The following HEATR5B variants were observed in gnomAD, a reference collection of about 807,000 sequenced individuals.
The protein encoded by HEATR5B is HEAT repeat containing 5B, also known as HEAT repeat-containing protein 5B.
A neutral mutation model predicts 224.1 loss-of-function variants in HEATR5B; 156 were observed. That is an observed-to-expected ratio of 0.70 (90% CI 0.61 to 0.80). The LOEUF (loss-of-function observed/expected upper bound fraction) is 0.80, where lower values mean the gene tolerates loss of function less well. Among genes scored for constraint, HEATR5B ranks in the 30% least tolerant of loss-of-function variants. The pLI is 0.00. For synonymous variants in HEATR5B, 1,027 were observed against 893.0 expected (o/e 1.15, Z -2.68); for missense variants, 2,323 against 2,535.5 (o/e 0.92, Z 1.80).
At chr2:37,038,799 C>A (rs1473458454) in intron 20 of HEATR5B, among the ~76,000 whole-genome samples, 1 of 147,728 alleles carries the variant, frequency 6.8e-6, no homozygotes, top group Non-Finnish European at 1.5e-5. Flanking sequence ...TACAAGTTAG[C>A]TGAGGCAGGA....
At chr2:37,008,543 A>T in intron 28 of HEATR5B, 68 bp downstream of exon 28, 1 of 1,061,228 alleles carries the variant, frequency 9.4e-7, no homozygotes, top group South Asian at 1.3e-5. Flanking sequence ...GCTAGTCTAT[A>T]CCGTCTCTAT....
intron 34 of HEATR5B, among the ~76,000 whole-genome samples, chr2:36,989,131 G>C (rs1666149179): frequency 6.6e-6 from 1 of 152,124 alleles, no homozygotes; most frequent in Non-Finnish European, 1.5e-5. Flanking sequence ...CTGTCGCCAG[G>C]CTAGAGTGCA....
In HEATR5B at chr2:37,007,314, A is replaced by T; in HGVS notation, c.4523-10T>A. On this transcript the variant is annotated splice_polypyrimidine_tract_variant and intron_variant, in intron 28 of 35. Coordinates refer to ENST00000233099, the MANE Select transcript of HEATR5B (RefSeq NM_019024.3). ...GTATAAAATGCTCCACCTGTAAAGC[A>T]ATCAAATCAATTAAAAACATTACTT... The T allele has an allele frequency of 1.3e-6, 2 of 1,584,956 alleles. No homozygotes were observed. Among genetic ancestry groups the T allele is most frequent in the Non-Finnish European group, 1.7e-6 (2 of 1,170,920 alleles).
chr2:37,026,695 C>G (rs965486671), intron 24 of HEATR5B, among the ~76,000 whole-genome samples: 5 of 152,148 alleles, frequency 3.3e-5, no homozygotes, highest in African/African-American at 1.2e-4. Context: ...CAGTAAATAT[C>G]TGCTGAATAA....
chr2:37,055,476 C>T (rs1043837240), intron 16 of HEATR5B, among the ~76,000 whole-genome samples: 3 of 152,128 alleles, frequency 2.0e-5, no homozygotes, highest in Non-Finnish European at 4.4e-5. Flanking sequence ...GAAATAGATG[C>T]TTTATAAGAT....
intron 3 of HEATR5B, among the ~76,000 whole-genome samples, 183 bp from the exon 4 acceptor site, chr2:37,077,202 T>C (rs1344861592): frequency 1.3e-5 from 2 of 152,246 alleles, no homozygotes; most frequent in African/African-American, 4.8e-5. Flanking sequence ...TTACACTGTA[T>C]TCTTGTTAAA....
intron 18 of HEATR5B, among the ~76,000 whole-genome samples, chr2:37,046,007 A>G (rs1670168397): frequency 2.0e-5 from 3 of 150,372 alleles, no homozygotes; most frequent in Admixed American, 2.0e-4. Flanking sequence ...CATTCTTTTA[A>G]TGTTTATCTG....
intron 34 of HEATR5B, 144 bp from the exon 35 acceptor site, chr2:36,989,003 T>TA: frequency 1.6e-6 from 1 of 630,160 alleles, no homozygotes; most frequent in Non-Finnish European, 2.7e-6. Flanking sequence ...AGAAATGGAG[T>TA]AGAATAGAAT....
intron 33 of HEATR5B, among the ~76,000 whole-genome samples, chr2:36,994,009 A>G (rs1452256966): frequency 6.6e-6 from 1 of 152,160 alleles, no homozygotes; most frequent in Non-Finnish European, 1.5e-5. Flanking sequence ...TATTATTAGG[A>G]CAAGTAGTGC....
rs771056777 is a variant in HEATR5B, at chr2:37,057,513, G to C, written c.2060-33C>G. ...ACAGAACTTCAGATCAGATTAAAAA[G>C]AATAATTTTTGTGAAAATTATAATC... On this transcript the variant is annotated intron_variant, in intron 14 of 35. Transcript: ENST00000233099. The C allele has an allele frequency of 2.7e-6, 4 of 1,494,708 alleles. No homozygotes were observed. The African/African-American group carries it at 5.7e-5, about 21-fold the overall frequency. The allele number at this position is 1,494,708 out of a possible 1,614,324, so 92.6% of individuals were successfully genotyped here. A position where few individuals can be genotyped will look rare whatever the true frequency, so the allele number is the denominator to read the frequency against.
At chr2:37,063,851 A>T (rs1423158913) in intron 10 of HEATR5B, among the ~76,000 whole-genome samples, 1 of 152,188 alleles carries the variant, frequency 6.6e-6, no homozygotes, top group Non-Finnish European at 1.5e-5. Flanking sequence ...TTTCTCTGTC[A>T]CCCAGGCTGG....
intron 3 of HEATR5B, among the ~76,000 whole-genome samples, chr2:37,077,878 T>C (rs376083370): frequency 3.9e-5 from 6 of 152,352 alleles, no homozygotes; most frequent in South Asian, 2.1e-4. Flanking sequence ...AGTAAACCTG[T>C]AAAATTTAAT....
intron 21 of HEATR5B, among the ~76,000 whole-genome samples, 200 bp from the exon 22 acceptor site, chr2:37,032,973 T>C (rs2148475180): frequency 6.6e-6 from 1 of 152,036 alleles, no homozygotes; most frequent in Non-Finnish European, 1.5e-5. Flanking sequence ...CTCCGCCTTC[T>C]GGTTTCAAGC....
chr2:37,068,637 A>G (rs766510646), intron 8 of HEATR5B, 44 bp downstream of exon 8: 2 of 1,588,268 alleles, frequency 1.3e-6, no homozygotes, highest in African/African-American at 2.7e-5. Context: ...ATAAAGAACT[A>G]AATGACTAAG....
chr2:37,054,361 A>G (rs1313488294), intron 16 of HEATR5B, among the ~76,000 whole-genome samples: 3 of 151,300 alleles, frequency 2.0e-5, no homozygotes, highest in African/African-American at 7.3e-5. Flanking sequence ...TTGTATTTTT[A>G]GTAGAGACTG....
chr2:37,065,414 A>T (rs530360927), intron 9 of HEATR5B, among the ~76,000 whole-genome samples: 5 of 151,990 alleles, frequency 3.3e-5, no homozygotes, highest in Non-Finnish European at 5.9e-5. Flanking sequence ...CCTGGGCTTA[A>T]GCAATTCTCC....
chr2:37,056,913 T>G (rs1670948586), intron 15 of HEATR5B, among the ~76,000 whole-genome samples: 1 of 152,220 alleles, frequency 6.6e-6, no homozygotes, highest in Admixed American at 6.5e-5. Context: ...TAAATGGGGC[T>G]TTAATCACTC....
At chr2:36,995,185 G>A (rs918158249) in intron 33 of HEATR5B, among the ~76,000 whole-genome samples, 4 of 145,996 alleles carry the variant, frequency 2.7e-5, no homozygotes, top group African/African-American at 1.0e-4. Context: ...TGCCTCCTGG[G>A]TTCAAGCAAT....
At chr2:37,037,391 C>T (rs1202409267) in intron 21 of HEATR5B, among the ~76,000 whole-genome samples, 1 of 151,834 alleles carries the variant, frequency 6.6e-6, no homozygotes, top group Non-Finnish European at 1.5e-5. Flanking sequence ...GATCTGCCCA[C>T]CTTAGCCTCC....
Sources: gnomAD v4.1 joint callset for allele counts (sites outside exome capture counted in the v4.1 genomes callset) on GRCh38, gnomAD v4.1.1 for gene constraint, MANE v1.5 for transcripts, NCBI Gene and HGNC (gene_info 2026-07-23, HGNC 2026-07-21) for gene names.